NRG3: variants seen among roughly 807,000 people sequenced by gnomAD.
The protein encoded by NRG3 is pro-neuregulin-3, membrane-bound isoform.
Under a neutral mutation model 66.9 loss-of-function variants are expected in NRG3, and 31 were observed. That is an observed-to-expected ratio of 0.46 (90% CI 0.35 to 0.63). The LOEUF is 0.63. NRG3 is among the 20% of genes least tolerant of loss of function. NRG3 has a pLI of 0.00. For missense variants in NRG3, 910 were observed against 878.9 expected, an observed-to-expected ratio of 1.04 and a Z score of -0.45; for synonymous variants, 393 against 359.4, an observed-to-expected ratio of 1.09 and a Z score of -1.06.
intron 2 of NRG3, among the ~76,000 whole-genome samples, chr10:82,561,996 T>C (rs2045077171): frequency 6.6e-6 from 1 of 152,200 alleles, no homozygotes; most frequent in African/African-American, 2.4e-5. Context: ...TTCTTTTCTC[T>C]TAAAGTGGTC....
intron 1 of NRG3, among the ~76,000 whole-genome samples, chr10:82,028,130 C>G (rs1331145950): frequency 1.3e-5 from 2 of 152,054 alleles, no homozygotes; most frequent in East Asian, 3.9e-4. Flanking sequence ...TGAAGTACTA[C>G]CTCTTCCTGC....
At chr10:82,518,775 G>T (rs1845927010) in intron 2 of NRG3, among the ~76,000 whole-genome samples, 2 of 152,044 alleles carry the variant, frequency 1.3e-5, no homozygotes, top group Non-Finnish European at 2.9e-5. Context: ...TCATTTGTTG[G>T]ATTGATCCTT....
chr10:82,108,938 C>G (rs1490276762), intron 1 of NRG3, among the ~76,000 whole-genome samples: 1 of 152,130 alleles, frequency 6.6e-6, no homozygotes, highest in Non-Finnish European at 1.5e-5. Flanking sequence ...CATAAATTCA[C>G]TCTTTTAATA....
chr10:82,928,455 G>A (rs1410864693), intron 4 of NRG3, among the ~76,000 whole-genome samples: 1 of 151,918 alleles, frequency 6.6e-6, no homozygotes, highest in Admixed American at 6.6e-5. Flanking sequence ...TTTCTTCTAG[G>A]GTTTTTATAG....
Position 81,965,293 on chromosome 10 carries a change from T to C in NRG3, c.823+89130T>C, listed in dbSNP as rs189447473. 4.3e-3 allele frequency among the ~76,000 whole-genome samples: 661 copies of C among 152,368 alleles called. 4 individuals carry two copies. The highest frequency in any genetic ancestry group is 0.015 in the African/African-American group (624 of 41,596). On this transcript the variant is annotated intron_variant, in intron 1 of 8. Transcript: ENST00000372141. ...TCATCTATCAATGAATTCTTCCATC[T>C]TTCTATCTACTACTTATTAGATGTG...
At chr10:82,657,634 A>G (rs563772035) in intron 2 of NRG3, among the ~76,000 whole-genome samples, 6 of 152,172 alleles carry the variant, frequency 3.9e-5, no homozygotes, top group African/African-American at 1.2e-4. Context: ...ACAGGCTAAC[A>G]CTTGTGCAAG....
At chr10:82,728,251 G>A (rs1591331851) in intron 2 of NRG3, among the ~76,000 whole-genome samples, 1 of 152,220 alleles carries the variant, frequency 6.6e-6, no homozygotes, top group Non-Finnish European at 1.5e-5. Flanking sequence ...TTTCAGAGAG[G>A]TCGGGGTGGA....
At chr10:82,011,630 A>G (rs141128478) in intron 1 of NRG3, among the ~76,000 whole-genome samples, 4,559 of 152,282 alleles carry the variant, frequency 0.03, 242 homozygotes, top group African/African-American at 0.1. Flanking sequence ...CCTAGAAACA[A>G]TGGTGGTGCA....
chr10:82,314,914 C>T (rs1174162585), intron 1 of NRG3, among the ~76,000 whole-genome samples: 1 of 152,106 alleles, frequency 6.6e-6, no homozygotes, highest in Non-Finnish European at 1.5e-5. Context: ...AAAATTTATG[C>T]CATTGGTTAT....
chr10:82,054,964 A>G (rs1415645729), intron 1 of NRG3, among the ~76,000 whole-genome samples: 1 of 151,992 alleles, frequency 6.6e-6, no homozygotes, highest in Non-Finnish European at 1.5e-5. Flanking sequence ...AGTGAGCTAG[A>G]TCATACCAGC....
chr10:82,046,686 T>G (rs1361774480), intron 1 of NRG3, among the ~76,000 whole-genome samples: 1 of 48,586 alleles, frequency 2.1e-5, no homozygotes, highest in African/African-American at 4.3e-5. Context: ...GCCCATTCAG[T>G]ATGATATTGG....
At chr10:82,573,371 A>G (rs1565084876) in intron 2 of NRG3, among the ~76,000 whole-genome samples, 3 of 151,838 alleles carry the variant, frequency 2.0e-5, no homozygotes, top group African/African-American at 7.2e-5. Context: ...ATCAAGATAA[A>G]TAACTTTCTC....
At chr10:81,970,418 A>G (rs977211820) in intron 1 of NRG3, among the ~76,000 whole-genome samples, 1 of 152,212 alleles carries the variant, frequency 6.6e-6, no homozygotes, top group African/African-American at 2.4e-5. Context: ...TTATAGAGTA[A>G]AAGATTCTTT....
intron 2 of NRG3, among the ~76,000 whole-genome samples, chr10:82,486,648 G>A (rs1041258411): frequency 1.3e-5 from 2 of 152,200 alleles, no homozygotes; most frequent in Admixed American, 6.5e-5. Flanking sequence ...TCCTGACCTC[G>A]TGATCTGCCC....
intron 2 of NRG3, among the ~76,000 whole-genome samples, chr10:82,638,803 T>G (rs1015100534): frequency 8.5e-5 from 13 of 152,130 alleles, no homozygotes; most frequent in Non-Finnish European, 1.8e-4. Flanking sequence ...CGTGCCACCA[T>G]GCCCAGCTAA....
At chr10:81,888,910 TG>T (rs992409303) in intron 1 of NRG3, among the ~76,000 whole-genome samples, 27 of 152,170 alleles carry the variant, frequency 1.8e-4, no homozygotes, top group African/African-American at 6.5e-4. Context: ...AAGGCTAACT[TG>T]TTCCAAATCA....
At chr10:82,797,954 G>A (rs2060871270) in intron 3 of NRG3, among the ~76,000 whole-genome samples, 3 of 152,074 alleles carry the variant, frequency 2.0e-5, no homozygotes, top group Admixed American at 1.3e-4. Flanking sequence ...TTACAGTGCA[G>A]TAACTAGTAA....
At chr10:82,382,705 T>A (rs1405671854) in intron 2 of NRG3, among the ~76,000 whole-genome samples, 3 of 152,028 alleles carry the variant, frequency 2.0e-5, no homozygotes, top group Non-Finnish European at 4.4e-5. Flanking sequence ...TTATTGTATA[T>A]AAGACTGTAA....
chr10:82,151,530 T>G (rs746343118), intron 1 of NRG3, among the ~76,000 whole-genome samples: 10 of 152,184 alleles, frequency 6.6e-5, no homozygotes, highest in African/African-American at 9.7e-5. Context: ...GTCCTTCTCT[T>G]GTCTCCATTA....
Sources: gnomAD v4.1 joint callset for allele counts (sites outside exome capture counted in the v4.1 genomes callset) on GRCh38, gnomAD v4.1.1 for gene constraint, MANE v1.5 for transcripts, NCBI Gene and HGNC (gene_info 2026-07-23, HGNC 2026-07-21) for gene names.